The following SYNE1 variants were observed in gnomAD, a reference collection of about 807,000 sequenced individuals.
SYNE1 encodes nesprin-1.
In SYNE1, 616 loss-of-function variants were observed where a neutral mutation model predicts 1,111.0. That is an observed-to-expected ratio of 0.55 (90% CI 0.52 to 0.59). The LOEUF (loss-of-function observed/expected upper bound fraction) is 0.59, where lower values mean the gene tolerates loss of function less well. SYNE1 is among the 20% of genes least tolerant of loss of function. SYNE1 has a pLI of 0.00. For missense variants in SYNE1, 10,006 were observed against 10,417.0 expected, an observed-to-expected ratio of 0.96 and a Z score of 1.72; for synonymous variants, 3,855 against 3,825.8, an observed-to-expected ratio of 1.01 and a Z score of -0.28.
At chr6:152,280,032 C>T (rs1167595302) in intron 97 of SYNE1, among the ~76,000 whole-genome samples, 2 of 152,142 alleles carry the variant, frequency 1.3e-5, no homozygotes, top group Non-Finnish European at 2.9e-5. Context: ...CTTTGTACCA[C>T]AGCAATTGTA....
intron 16 of SYNE1, 101 bp downstream of exon 16, chr6:152,471,496 T>A: frequency 8.5e-7 from 1 of 1,177,092 alleles, no homozygotes; most frequent in Non-Finnish European, 1.3e-6. Context: ...GCTATCTTTA[T>A]GTTTAAATTC....
chr6:152,269,328 G>T (rs1336214986), intron 98 of SYNE1, 42 bp from the exon 99 acceptor site: 2 of 1,613,242 alleles, frequency 1.2e-6, no homozygotes, highest in African/African-American at 2.7e-5. Context: ...CTACACACCG[G>T]AAAACCTTAA....
chr6:152,346,993 G>A (rs2096648832), intron 73 of SYNE1, 66 bp downstream of exon 73: 2 of 1,580,092 alleles, frequency 1.3e-6, no homozygotes. Context: ...TTTGTAAAAA[G>A]TCTCTAGACT....
chr6:152,492,891 C>T (rs971811271), intron 11 of SYNE1, among the ~76,000 whole-genome samples: 2 of 152,064 alleles, frequency 1.3e-5, no homozygotes, highest in Admixed American at 6.6e-5. Context: ...TTAAAACTCC[C>T]CCACTCTGGT....
intron 144 of SYNE1, among the ~76,000 whole-genome samples, chr6:152,131,579 C>G (rs2055679538): frequency 6.6e-6 from 1 of 152,174 alleles, no homozygotes; most frequent in South Asian, 2.1e-4. Flanking sequence ...TTCAGTGAGG[C>G]AGCCCCCGCC....
chr6:152,430,680 G>A lies in SYNE1; in HGVS notation c.4491C>T (p.Leu1497=), dbSNP rs756704142. 17 of 1,613,956 alleles carry A rather than the reference G, an allele frequency of 1.1e-5. No homozygotes were observed. Among genetic ancestry groups the A allele is most frequent in the Non-Finnish European group, 1.3e-5 (15 of 1,179,974 alleles). Residue 1497 remains leucine (L), a synonymous_variant, in exon 35 of 146, where the codon CTC becomes CTT. Transcript: ENST00000367255. ...KVTIQEIESK[L]SSIVGLEEEA... ...CTTCTTCTAATCCTACAATGCTGCT[G>A]AGCTTACTTTCTATTTCCTGAATTG...
intron 16 of SYNE1, among the ~76,000 whole-genome samples, chr6:152,469,098 T>C (rs1291397771): frequency 2.0e-5 from 3 of 151,982 alleles, no homozygotes; most frequent in Non-Finnish European, 4.4e-5. Context: ...TGGGGGAGTG[T>C]GGGGGGTGTA....
intron 54 of SYNE1, 23 bp from the exon 55 acceptor site, chr6:152,385,861 C>A (rs2097519248): frequency 6.2e-7 from 1 of 1,613,026 alleles, no homozygotes; most frequent in African/African-American, 1.3e-5. Flanking sequence ...GAAAAGACTA[C>A]CTTAACAGTG....
chr6:152,603,123 A>C (rs2099600203), intron 3 of SYNE1, among the ~76,000 whole-genome samples: 1 of 152,106 alleles, frequency 6.6e-6, no homozygotes, highest in African/African-American at 2.4e-5. Context: ...ATGAGACAGG[A>C]CTTTAGCTTC....
intron 62 of SYNE1, 22 bp downstream of exon 62, chr6:152,367,196 A>C (rs781545408): frequency 1.2e-5 from 20 of 1,614,060 alleles, no homozygotes; most frequent in Middle Eastern, 1.6e-4. Context: ...GGTTGGAGAT[A>C]TTTCTGTGTA....
chr6:152,268,650 C>G (rs969876907), intron 99 of SYNE1, among the ~76,000 whole-genome samples: 1 of 152,202 alleles, frequency 6.6e-6, no homozygotes, highest in East Asian at 1.9e-4. Flanking sequence ...TTTTTACATA[C>G]AGTTAAGGTA....
chr6:152,208,169 G>C lies in SYNE1; in HGVS notation c.22627C>G (p.Gln7543Glu), dbSNP rs1383951018. ...GCCCTGCGAATCACTCCCTGCCATT[G>C]ATTACTGAGGAGTGTCAATTTCAGG... is the stretch of plus-strand genomic sequence containing the variant. Reference protein sequence around the residue: ...FNLKLTLLSNQWQGVIRRAQQ... With the variant: ...FNLKLTLLSNEWQGVIRRAQQ... The change falls in exon 125 of 146, where the codon CAA becomes GAA. Residue 7543 changes from glutamine (Q) to glutamate (E), a missense_variant. Coordinates refer to ENST00000367255, the MANE Select transcript of SYNE1 (RefSeq NM_182961.4). 1 of 1,613,928 alleles carries C rather than the reference G, an allele frequency of 6.2e-7. No homozygotes were observed. The highest frequency in any genetic ancestry group is 8.5e-7 in the Non-Finnish European group (1 of 1,180,022).
intron 14 of SYNE1, among the ~76,000 whole-genome samples, chr6:152,473,410 G>A (rs2154281000): frequency 6.6e-6 from 1 of 152,306 alleles, no homozygotes; most frequent in East Asian, 1.9e-4. Context: ...GGTGGGACAA[G>A]TGAAAACTTT....
chr6:152,283,691 C>T (rs1440731792), intron 96 of SYNE1, among the ~76,000 whole-genome samples: 2 of 152,114 alleles, frequency 1.3e-5, no homozygotes, highest in East Asian at 3.9e-4. Context: ...CACACACCAC[C>T]ATGTCTGGCT....
In SYNE1 at chr6:152,376,895, C is replaced by T. The variant is rs148486281; in HGVS notation, c.9027G>A (p.Leu3009=). Residue 3009 remains leucine, a synonymous_variant, in exon 57 of 146, where the codon TTG becomes TTA. Transcript: ENST00000367255. ...CCTCTGTTCTAGGCTCTGCTTTTTG[C>T]AAAGCATCCAGTATCTCCTGTTCAG... is the stretch of plus-strand genomic sequence containing the variant. ...WHKGQEILDA[L]QKAEPRTEDL... is the part of the protein sequence containing the mutation. The T allele has an allele frequency of 4.8e-5, 77 of 1,613,932 alleles. No individual in the cohort carries two copies. The African/African-American group carries it at 6.7e-4, about 14-fold the overall frequency.
intron 56 of SYNE1, 77 bp downstream of exon 56, chr6:152,380,929 T>G: frequency 6.9e-7 from 1 of 1,455,138 alleles, no homozygotes. Flanking sequence ...TTAGCAAGAT[T>G]TTTTTTTTAA....
chr6:152,146,203 T>C, intron 137 of SYNE1: 1 of 155,200 alleles, frequency 6.4e-6, no homozygotes, highest in Non-Finnish European at 1.4e-5. Flanking sequence ...CTTATCTAAG[T>C]TTAAACAGAA....
At chr6:152,294,231 C>T in intron 93 of SYNE1, 104 bp from the exon 94 acceptor site, 1 of 1,184,862 alleles carries the variant, frequency 8.4e-7, no homozygotes. Context: ...CAGATCTACA[C>T]CTTTCATGGG....
chr6:152,218,474 A>G, intron 120 of SYNE1, 71 bp from the exon 121 acceptor site: 3 of 1,533,932 alleles, frequency 2.0e-6, no homozygotes, highest in Non-Finnish European at 2.7e-6. Context: ...AAAGTCTGGT[A>G]AAAGGGCAAG....
Sources: allele counts gnomAD v4.1 joint callset (sites outside exome capture counted in the v4.1 genomes callset), GRCh38; gene constraint gnomAD v4.1.1; transcripts MANE v1.5; gene names NCBI Gene and HGNC (gene_info 2026-07-23, HGNC 2026-07-21).